Variants in LAMA5 observed in about 807,000 individuals in gnomAD.
The protein encoded by LAMA5 is laminin subunit alpha-5.
Under a neutral mutation model 433.4 loss-of-function variants are expected in LAMA5, and 260 were observed. The observed-to-expected ratio is 0.60, with a 90% CI of 0.54 to 0.66. The LOEUF (loss-of-function observed/expected upper bound fraction) is 0.66, where lower values mean the gene tolerates loss of function less well. Ranked by LOEUF, LAMA5 falls within the 30% of genes least tolerant of loss-of-function variation. LAMA5 has a pLI of 0.00. For missense variants in LAMA5, 5,378 were observed against 5,258.5 expected (o/e 1.02, Z -0.70); for synonymous variants, 2,620 against 2,226.6 (o/e 1.18, Z -4.97).
intron 31 of LAMA5, 88 bp downstream of exon 31, chr20:62,330,400 T>C (rs527446266): frequency 2.3e-5 from 33 of 1,432,174 alleles, no homozygotes; most frequent in East Asian, 1.5e-4. Context: ...CTGTCGCTCA[T>C]AGCAGGTAGC....
In LAMA5 at chr20:62,337,879, G is replaced by A. The variant is rs763351511; in HGVS notation, c.1951C>T (p.Arg651Cys). ...GTGCCTGTGTAGCCGGGGCGGCAGCGGCACAAACCTCCCGCCCCACAGAGC... is the reference window on the plus strand; with the variant it reads ...GTGCCTGTGTAGCCGGGGCGGCAGCAGCACAAACCTCCCGCCCCACAGAGC... ...DQLCGAGGLC[R>C]CRPGYTGTAC... The change falls in exon 15 of 80, where the codon CGC becomes TGC. Residue 651 changes from arginine to cysteine, a missense_variant. Arg to Cys is a radical substitution (Grantham distance 180). Coordinates refer to ENST00000252999, the MANE Select transcript of LAMA5 (RefSeq NM_005560.6). 126 of 1,612,356 alleles carry A rather than the reference G, an allele frequency of 7.8e-5. No homozygotes were observed. Among genetic ancestry groups the A allele is most frequent in the Admixed American group, 1.8e-4 (11 of 59,974 alleles).
intron 11 of LAMA5, among the ~76,000 whole-genome samples, chr20:62,340,303 TTG>T (rs1443322552): frequency 4.2e-5 from 4 of 96,326 alleles, no homozygotes; most frequent in Admixed American, 2.6e-4. Flanking sequence ...CAAGCCTCCT[TTG>T]TTTTTTTTTT....
rs527450101 is a variant in LAMA5, at chr20:62,340,410, C to T, written c.1478-1802G>A. 6.3e-5 allele frequency among the ~76,000 whole-genome samples: 9 copies of T among 142,958 alleles called. No individual in the cohort carries two copies. The East Asian group carries it at 6.8e-4, about 11-fold the overall frequency. The allele number at this position is 142,958 out of a possible 152,430, so 93.8% of individuals were successfully genotyped here. On this transcript the variant is annotated intron_variant, in intron 11 of 79. Transcript: ENST00000252999. The stretch of plus-strand genomic sequence containing the variant: ...CACTGCAAACCCTACCTCCCGGGTT[C>T]GAGCCATTCTCCCGCCTCAGCCTCC...
In LAMA5 at chr20:62,316,669, A is replaced by C; in HGVS notation, c.7756+2T>G. 6.3e-7 allele frequency: 1 copy of C among 1,584,964 alleles called. No individual in the cohort carries two copies. The highest frequency in any genetic ancestry group is 8.6e-7 in the Non-Finnish European group (1 of 1,162,208). On this transcript the variant is annotated splice_donor_variant, in intron 57 of 79. Transcript: ENST00000252999. LOFTEE classifies it high-confidence loss of function. ...GGGCCCCCATCGGAGCCCAGCACTC[A>C]CCAAGGCCCAGCCTCTGCTGTTCCT...
In LAMA5 at chr20:62,326,963, A is replaced by C; in HGVS notation, c.5116T>G (p.Ser1706Ala). ...APPSYLGDRV[S>A]SYGGTLRYEL... is the part of the protein sequence containing the mutation. Reference sequence around the variant, plus strand: ...TAACGGAGGGTCCCACCGTAGGATGACACCTGGAGGCAGGACAGACAGAGG... The same window carrying C: ...TAACGGAGGGTCCCACCGTAGGATGCCACCTGGAGGCAGGACAGACAGAGG... The change falls in exon 39 of 80, where the codon TCA becomes GCA. Residue 1706 changes from serine (S) to alanine (A), a missense_variant. Coordinates refer to ENST00000252999, the MANE Select transcript of LAMA5 (RefSeq NM_005560.6). 1.2e-6 allele frequency: 2 copies of C among 1,602,046 alleles called. No individual in the cohort carries two copies. The highest frequency in any genetic ancestry group is 1.7e-6 in the Non-Finnish European group (2 of 1,171,722).
At position 62,328,312 on chromosome 20, in the gene LAMA5, C is replaced by T; in HGVS notation, c.4581G>A (p.Glu1527=). 1.2e-6 allele frequency: 2 copies of T among 1,606,110 alleles called. No individual in the cohort carries two copies. Among genetic ancestry groups the T allele is most frequent in the Non-Finnish European group, 1.7e-6 (2 of 1,177,054 alleles). The change falls in exon 35 of 80, where the codon GAG becomes GAA. Residue 1527 remains glutamate (E), a synonymous_variant. Coordinates refer to ENST00000252999, the MANE Select transcript of LAMA5 (RefSeq NM_005560.6). ...GGATGCCGGGCCCTGAGCAGTTACACTCCTCACAGCCGACCAGGGGGTGGC... is the reference window on the plus strand; with the variant it reads ...GGATGCCGGGCCCTGAGCAGTTACATTCCTCACAGCCGACCAGGGGGTGGC... ...FGCHPLVGCE[E]CNCSGPGIQE...
intron 38 of LAMA5, 91 bp from the exon 39 acceptor site, chr20:62,327,057 G>T: frequency 8.7e-7 from 1 of 1,144,182 alleles, no homozygotes. Context: ...CCAGCACAGA[G>T]CCCTGTGCTG....
Position 62,346,521 on chromosome 20 carries a change from G to A in LAMA5, c.1267C>T (p.Pro423Ser), listed in dbSNP as rs746815730. The change falls in exon 9 of 80, where the codon CCC (proline) becomes TCC (serine). Residue 423 changes from proline to serine, a missense_variant. Coordinates refer to ENST00000252999, the MANE Select transcript of LAMA5 (RefSeq NM_005560.6). ...GCCCACTCACGGCGGCAGACGTGGG[G>A]CGAGTCGAGAGGGTGGTTGGGAGAG... Reference protein sequence around the residue: ...YRSPNHPLDSPHVCRRCNCES... With the variant: ...YRSPNHPLDSSHVCRRCNCES... 1.3e-5 allele frequency: 20 copies of A among 1,551,734 alleles called. No individual in the cohort carries two copies. The African/African-American group carries it at 2.6e-4, about 20-fold the overall frequency.
chr20:62,319,982 G>A (rs990841171), intron 50 of LAMA5, among the ~76,000 whole-genome samples, 187 bp from the exon 51 acceptor site: 3 of 152,142 alleles, frequency 2.0e-5, no homozygotes, highest in Non-Finnish European at 2.9e-5. Context: ...GTTATAACTT[G>A]CCATTTGTTA....
chr20:62,316,318 C>G, intron 57 of LAMA5: 1 of 567,270 alleles, frequency 1.8e-6, no homozygotes, highest in East Asian at 2.9e-5. Flanking sequence ...TCAGAAGAGA[C>G]AGCCCTCTGG....
rs6062216 is a variant in LAMA5, at chr20:62,317,636, C to T, written c.7356+26G>A. On this transcript the variant is annotated intron_variant, in intron 54 of 79. Coordinates refer to ENST00000252999, the MANE Select transcript of LAMA5 (RefSeq NM_005560.6). ...AGGGAGTTGGCCGTGGATGGGGTGG[C>T]GACAGGGGCCAGGGGCTGCACTCAC... is the stretch of plus-strand genomic sequence containing the variant. 1,367,982 of 1,527,416 alleles carry T rather than the reference C, an allele frequency of 0.9. 613,632 individuals carry two copies. Among genetic ancestry groups the T allele is most frequent in the East Asian group, 0.97 (41,281 of 42,548 alleles). 94.6% of individuals were successfully genotyped at this position (1,527,416 alleles called of 1,614,324 possible).
intron 38 of LAMA5, 76 bp from the exon 39 acceptor site, chr20:62,327,042 C>G (rs1979422416): frequency 8.4e-7 from 1 of 1,195,842 alleles, no homozygotes; most frequent in Middle Eastern, 2.2e-4. Flanking sequence ...GTGGTCTGGG[C>G]ACCCCCAGCA....
In LAMA5 at chr20:62,328,781, C is replaced by T. The variant is rs77935714; in HGVS notation, c.4447+63G>A. ...TCCTGACCCTGCTTTCTGGTCGACC[C>T]GTCCACCTTGGGCTCTGGCACCAAC... On this transcript the variant is annotated intron_variant, in intron 34 of 79. Coordinates refer to ENST00000252999, the MANE Select transcript of LAMA5 (RefSeq NM_005560.6). 2.7e-3 allele frequency: 4,099 copies of T among 1,492,832 alleles called. 102 individuals carry two copies. The African/African-American group carries it at 0.047, about 17-fold the overall frequency. 92.5% of individuals were successfully genotyped at this position (1,492,832 alleles called of 1,614,324 possible).
At chr20:62,347,900 C>T (rs1189187167) in intron 6 of LAMA5, among the ~76,000 whole-genome samples, 1 of 152,182 alleles carries the variant, frequency 6.6e-6, no homozygotes, top group Non-Finnish European at 1.5e-5. Flanking sequence ...ATCAATACTG[C>T]TTTCCCTCAG....
rs761784577 is a variant in LAMA5, at chr20:62,331,051, C to T, written c.3631G>A (p.Gly1211Ser). The part of the protein sequence containing the change: ...EPRVSCISSH[G>S]AFGPNSAACL... ...CATTACCTGTTGGGGCCAAAGGCGCCGTGGCTGCTGATGCAGCTGACCCGG... is the reference window on the plus strand; with the variant it reads ...CATTACCTGTTGGGGCCAAAGGCGCTGTGGCTGCTGATGCAGCTGACCCGG... The change falls in exon 29 of 80, where the codon GGC becomes AGC. Residue 1211 changes from glycine to serine, a missense_variant. Transcript: ENST00000252999. The T allele has an allele frequency of 4.0e-5, 64 of 1,601,778 alleles. No homozygotes were observed. Among genetic ancestry groups the T allele is most frequent in the East Asian group, 2.2e-4 (10 of 44,634 alleles).
Position 62,359,472 on chromosome 20 carries a change from T to TGGGCCTG in LAMA5, c.450+2921_450+2927dup, listed in dbSNP as rs5842387. Among the ~76,000 whole-genome samples the TGGGCCTG allele has an allele frequency of 2.9e-4, 43 of 149,956 alleles. No homozygotes were observed. Among genetic ancestry groups the TGGGCCTG allele is most frequent in the Non-Finnish European group, 3.9e-4 (26 of 67,166 alleles). On this transcript the variant is annotated intron_variant, in intron 2 of 79. Coordinates refer to ENST00000252999, the MANE Select transcript of LAMA5 (RefSeq NM_005560.6). This position sits in a 1 kb window ranked among gnomAD's most constrained non-coding sequence, Gnocchi z 4.3. ...AGTCATGAACGCGCTCACCCTTCCC[T>TGGGCCTG]GGGCCTGGGGCCTGGGGCCTGGGGC...
chr20:62,341,178 A>C (rs1395854681), intron 11 of LAMA5, among the ~76,000 whole-genome samples: 1 of 152,214 alleles, frequency 6.6e-6, no homozygotes, highest in Non-Finnish European at 1.5e-5. Context: ...GCCAAGTCTA[A>C]CCACGATGCA....
rs745733877 is a variant in LAMA5, at chr20:62,326,904, G to A, written c.5175C>T (p.Val1725=). ...CCGGCCTGCTCTCCATGGGGACAAA[G>A]ACATCTCCCCGCTGGGTCTCTGAGT... ...ELHSETQRGD[V]FVPMESRPDV... The change falls in exon 39 of 80, where the codon GTC becomes GTT. Residue 1725 remains valine (V), a synonymous_variant. Transcript: ENST00000252999. The A allele has an allele frequency of 2.0e-5, 33 of 1,612,320 alleles. No individual in the cohort carries two copies. In the South Asian group the frequency reaches 3.2e-4, roughly 16 times the overall value.
intron 11 of LAMA5, among the ~76,000 whole-genome samples, chr20:62,340,328 T>TTTG (rs1839192136): frequency 1.8e-5 from 2 of 113,930 alleles, no homozygotes; most frequent in Non-Finnish European, 3.7e-5. Context: ...TTTTTTTTTT[T>TTTG]GAAATGGAGT....
Sources: allele counts gnomAD v4.1 joint callset (sites outside exome capture counted in the v4.1 genomes callset), GRCh38; gene constraint gnomAD v4.1.1; non-coding constraint Gnocchi (gnomAD v3.1); transcripts MANE v1.5; gene names NCBI Gene and HGNC (gene_info 2026-07-23, HGNC 2026-07-21).